Variants in MTA3 observed in about 807,000 individuals in gnomAD.
MTA3 encodes the protein metastasis-associated protein MTA3.
In MTA3, 34 loss-of-function variants were observed where a neutral mutation model predicts 83.5. The ratio of observed to expected loss-of-function variants is 0.41; its 90% confidence interval spans 0.31 to 0.54. The LOEUF (loss-of-function observed/expected upper bound fraction) is 0.54. Among genes scored for constraint, MTA3 ranks in the 20% least tolerant of loss-of-function variants. MTA3 has a pLI of 0.33. For missense variants in MTA3, 761 were observed against 726.4 expected (o/e 1.05, Z -0.55); for synonymous variants, 303 against 252.7 (o/e 1.20, Z -1.89).
chr2:42,619,624 A>G (rs567538060), intron 4 of MTA3, among the ~76,000 whole-genome samples: 6 of 152,232 alleles, frequency 3.9e-5, no homozygotes, highest in Non-Finnish European at 5.9e-5. Flanking sequence ...TCCAAATAAA[A>G]TCTCAGCAGG....
chr2:42,592,109 TA>T (rs1241781126), intron 3 of MTA3, among the ~76,000 whole-genome samples: 1 of 151,784 alleles, frequency 6.6e-6, no homozygotes, highest in Non-Finnish European at 1.5e-5. Context: ...ACAAAAAATA[TA>T]AAAATTAGCC....
intron 8 of MTA3, among the ~76,000 whole-genome samples, chr2:42,677,771 A>G (rs577813731): frequency 3.9e-5 from 6 of 152,232 alleles, no homozygotes; most frequent in African/African-American, 1.4e-4. Context: ...GCCATGTGGA[A>G]CTGTAAGTCC....
intron 2 of MTA3, among the ~76,000 whole-genome samples, chr2:42,532,540 G>T (rs1676029099): frequency 6.6e-6 from 1 of 152,094 alleles, no homozygotes; most frequent in African/African-American, 2.4e-5. Context: ...AAGTATATCT[G>T]GCTGTTTTCT....
At chr2:42,626,490 G>A (rs1162692634) in intron 4 of MTA3, among the ~76,000 whole-genome samples, 2 of 150,778 alleles carry the variant, frequency 1.3e-5, no homozygotes, top group East Asian at 3.9e-4. Context: ...TAGAGATGGG[G>A]TTTCACCATG....
intron 16 of MTA3, among the ~76,000 whole-genome samples, chr2:42,746,870 C>T (rs1369992912): frequency 6.6e-6 from 1 of 152,184 alleles, no homozygotes; most frequent in Non-Finnish European, 1.5e-5. Flanking sequence ...CCCGCTTGGG[C>T]CTTTTATGGA....
chr2:42,714,918 C>T (rs1000176498), intron 14 of MTA3, among the ~76,000 whole-genome samples: 1 of 152,138 alleles, frequency 6.6e-6, no homozygotes, highest in Non-Finnish European at 1.5e-5. Context: ...ACCTGCTGTC[C>T]GGCCCAGTTC....
At position 42,700,949 on chromosome 2, in the gene MTA3, T is replaced by C. The variant is rs1327545247; in HGVS notation, c.1025+3115T>C. Among the ~76,000 whole-genome samples, 4 of 151,998 alleles carry C rather than the reference T, an allele frequency of 2.6e-5. 1 individual carries two copies. The highest frequency in any genetic ancestry group is 9.7e-5 in the African/African-American group (4 of 41,374). ...TCGCCTCTACAAAAAAATTTAAAAA[T>C]TATCCAGACATGGAGGCAAATGCCT... is the stretch of plus-strand genomic sequence containing the variant. On this transcript the variant is annotated intron_variant, in intron 11 of 16. Transcript: ENST00000405094.
At chr2:42,726,120 T>TTG (rs1667799218) in intron 16 of MTA3, among the ~76,000 whole-genome samples, 2 of 152,340 alleles carry the variant, frequency 1.3e-5, no homozygotes, top group Non-Finnish European at 1.5e-5. Flanking sequence ...TGGGAAAGCC[T>TTG]TGTTCTGTGT....
In MTA3 at chr2:42,623,721, CAG is replaced by C. The variant is rs1396420059; in HGVS notation, c.317+14140_317+14141del. ...GATTTTTTTTTTTTTTTTTTTGAGACAGAGTCTGTCGCCCAGGCAGGAGCAGT... is the reference window on the plus strand; with the variant it reads ...GATTTTTTTTTTTTTTTTTTTGAGACAGTCTGTCGCCCAGGCAGGAGCAGT... On this transcript the variant is annotated intron_variant, in intron 4 of 16. Coordinates refer to ENST00000405094, the MANE Select transcript of MTA3 (RefSeq NM_001330442.2). 1.9e-3 allele frequency among the ~76,000 whole-genome samples: 252 copies of C among 131,114 alleles called. 1 individual carries two copies. Among genetic ancestry groups the C allele is most frequent in the African/African-American group, 7.0e-3 (242 of 34,638 alleles). 86.0% of individuals were successfully genotyped at this position (131,114 alleles called of 152,430 possible).
intron 2 of MTA3, among the ~76,000 whole-genome samples, chr2:42,532,518 A>G (rs1335131821): frequency 6.6e-6 from 1 of 152,218 alleles, no homozygotes; most frequent in East Asian, 1.9e-4. Context: ...TCAAAAAACA[A>G]AAAAAGAAAA....
At chr2:42,743,378 C>T (rs1037738998) in intron 16 of MTA3, among the ~76,000 whole-genome samples, 4 of 152,140 alleles carry the variant, frequency 2.6e-5, no homozygotes, top group African/African-American at 9.7e-5. Context: ...AACCTTTTTC[C>T]AAAATGACAT....
At position 42,497,748 on chromosome 2, in the gene MTA3, G is replaced by A. The variant is rs576127635; in HGVS notation, c.-141+2494G>A. 1.8e-3 allele frequency among the ~76,000 whole-genome samples: 277 copies of A among 152,118 alleles called. 2 individuals are homozygous for A. The highest frequency in any genetic ancestry group is 0.014 in the Middle Eastern group (4 of 292). On this transcript the variant is annotated intron_variant, in intron 2 of 17. Transcript: ENST00000405592. ...AGATAATAATACCTACATCCAAAGG[G>A]GTAATGAAAAGATCACAAGCTGATG...
rs192442583 is a variant in MTA3, at chr2:42,573,854, C to T, written c.96+3350C>T. Among the ~76,000 whole-genome samples, 651 of 150,716 alleles carry T rather than the reference C, an allele frequency of 4.3e-3. 5 individuals carry two copies. The highest frequency in any genetic ancestry group is 0.015 in the African/African-American group (624 of 41,002). On this transcript the variant is annotated intron_variant, in intron 2 of 16. Transcript: ENST00000405094. ...TCTTTTTTGAGATGGAGTCTCGCTC[C>T]GTCGACCAGGCTAGAGTGCAGTGGC...
intron 3 of MTA3, among the ~76,000 whole-genome samples, chr2:42,596,042 C>T (rs1681752878): frequency 6.6e-6 from 1 of 152,152 alleles, no homozygotes; most frequent in South Asian, 2.1e-4. Flanking sequence ...AATAAAAGGT[C>T]ATCCTGGCAT....
At chr2:42,623,774 T>C (rs1335531563) in intron 4 of MTA3, among the ~76,000 whole-genome samples, 1 of 146,900 alleles carries the variant, frequency 6.8e-6, no homozygotes, top group Non-Finnish European at 1.5e-5. Context: ...CACGGCAAAC[T>C]CCGCCTTCCA....
intron 3 of MTA3, among the ~76,000 whole-genome samples, chr2:42,601,169 T>G (rs527961807): frequency 4.6e-5 from 7 of 152,334 alleles, no homozygotes; most frequent in Non-Finnish European, 8.8e-5. Context: ...CCTCCCAAAG[T>G]GCTGGGATTA....
intron 16 of MTA3, among the ~76,000 whole-genome samples, chr2:42,746,816 A>T (rs1385876995): frequency 6.6e-6 from 1 of 152,224 alleles, no homozygotes; most frequent in African/African-American, 2.4e-5. Context: ...ACCACCCTCC[A>T]GGAACCTTAC....
chr2:42,695,720 A>G, intron 9 of MTA3, 45 bp from the exon 10 acceptor site: 1 of 1,088,080 alleles, frequency 9.2e-7, no homozygotes, highest in Non-Finnish European at 1.3e-6. Context: ...ATCTCATTTT[A>G]TTATATGTTA....
intron 5 of MTA3, among the ~76,000 whole-genome samples, chr2:42,643,141 C>G (rs1687855999): frequency 6.8e-6 from 1 of 147,208 alleles, no homozygotes; most frequent in Non-Finnish European, 1.5e-5. Flanking sequence ...TGGAATAACT[C>G]TGTTTTTTTT....
Sources: gnomAD v4.1 joint callset for allele counts (sites outside exome capture counted in the v4.1 genomes callset) on GRCh38, gnomAD v4.1.1 for gene constraint, MANE v1.5 for transcripts, NCBI Gene and HGNC (gene_info 2026-07-23, HGNC 2026-07-21) for gene names.